USP9X: variants seen among roughly 807,000 people sequenced by gnomAD.
USP9X encodes ubiquitin specific peptidase 9 X-linked.
Under a neutral mutation model 190.3 loss-of-function variants are expected in USP9X, and 7 were observed. That is an observed-to-expected ratio of 0.04 (90% CI 0.02 to 0.07). The LOEUF is 0.07. Ranked by LOEUF, USP9X falls within the 10% of genes least tolerant of loss-of-function variation. USP9X has a pLI of 1.00. For synonymous variants in USP9X, 645 were observed against 659.5 expected, an observed-to-expected ratio of 0.98 and a Z score of 0.34; for missense variants, 1,010 against 1,916.9, an observed-to-expected ratio of 0.53 and a Z score of 8.83.
chrX:41,178,446 T>C (rs1255102862), intron 21 of USP9X, among the ~76,000 whole-genome samples: 1 of 110,790 alleles, frequency 9.0e-6, no homozygotes, highest in Non-Finnish European at 1.9e-5. Flanking sequence ...TGATACCTCA[T>C]TGTGGTTTGG....
rs569095263 is a variant in USP9X at position 41,162,812 on chromosome X, A to C, written c.1920A>C (p.Gln640His). 3.2e-4 allele frequency: 382 copies of C among 1,207,937 alleles called. No individual in the cohort carries two copies. The South Asian group carries it at 6.2e-3, about 20-fold the overall frequency. Reference protein sequence around the residue: ...YARDHEDYDPQTVRLGSRYSH... With the variant: ...YARDHEDYDPHTVRLGSRYSH... ...CAGACCATGAAGATTATGACCCACA[A>C]ACTGTGAGGCTGGGAAGTAGATATA... Residue 640 changes from glutamine (Q) to histidine (H), a missense_variant, in exon 15 of 45, where the codon CAA (glutamine) becomes CAC (histidine). By Grantham distance (24) the Gln-to-His change is conservative. Coordinates refer to ENST00000378308, the MANE Select transcript of USP9X (RefSeq NM_001039591.3).
chrX:41,219,889 G>T (rs967847252), intron 38 of USP9X, among the ~76,000 whole-genome samples: 2 of 111,386 alleles, frequency 1.8e-5, no homozygotes, highest in African/African-American at 6.5e-5. Flanking sequence ...GGAGGCTGAG[G>T]TGGGAGAATC....
At chrX:41,126,219 G>C (rs1442538143) in intron 2 of USP9X, among the ~76,000 whole-genome samples, 1 of 111,608 alleles carries the variant, frequency 9.0e-6, no homozygotes, top group Non-Finnish European at 1.9e-5. Flanking sequence ...AAATGTGTCA[G>C]TTTTATTCCT....
chrX:41,092,638 AAATAT>A (rs1218415021), intron 1 of USP9X, among the ~76,000 whole-genome samples: 2 of 110,517 alleles, frequency 1.8e-5, no homozygotes, highest in African/African-American at 6.5e-5. Context: ...GTGAAATAAA[AAATAT>A]AATTAAATAC....
chrX:41,104,917 A>G (rs2062058934), intron 1 of USP9X, among the ~76,000 whole-genome samples: 1 of 112,029 alleles, frequency 8.9e-6, no homozygotes, highest in African/African-American at 3.2e-5. Flanking sequence ...AACAATGTGT[A>G]TAGGGAAAAA....
intron 39 of USP9X, 70 bp from the exon 40 acceptor site, chrX:41,224,672 C>A: frequency 1.1e-6 from 1 of 921,120 alleles, no homozygotes; most frequent in Non-Finnish European, 1.5e-6. Flanking sequence ...TATTTTCTAT[C>A]GTGAAAGTTG....
At chrX:41,136,503 C>T (rs2062374527) in intron 5 of USP9X, among the ~76,000 whole-genome samples, 1 of 112,436 alleles carries the variant, frequency 8.9e-6, no homozygotes, top group Non-Finnish European at 1.9e-5. Context: ...CTCTCGTGTA[C>T]AAATTCCACA....
At chrX:41,214,008 A>G (rs1255533423) in intron 33 of USP9X, among the ~76,000 whole-genome samples, 1 of 112,324 alleles carries the variant, frequency 8.9e-6, no homozygotes, top group Non-Finnish European at 1.9e-5. Flanking sequence ...CAGAAATTGG[A>G]AAGTCTCTTT....
chrX:41,148,357 A>C lies in USP9X; in HGVS notation c.1420-12A>C. 8.3e-7 allele frequency: 1 copy of C among 1,209,811 alleles called. No homozygotes were observed. The highest frequency in any genetic ancestry group is 1.1e-6 in the Non-Finnish European group (1 of 894,343). Reference sequence around the variant, plus strand: ...ATATGTGTTGTTTTCATGTCACTTAATTTTTTTCTAGGCCAGTTGGACAAA... The same window carrying C: ...ATATGTGTTGTTTTCATGTCACTTACTTTTTTTCTAGGCCAGTTGGACAAA... On this transcript the variant is annotated splice_polypyrimidine_tract_variant and intron_variant, in intron 11 of 44. Coordinates refer to ENST00000378308, the MANE Select transcript of USP9X (RefSeq NM_001039591.3).
At chrX:41,104,557 G>C (rs2062055811) in intron 1 of USP9X, among the ~76,000 whole-genome samples, 1 of 111,757 alleles carries the variant, frequency 8.9e-6, no homozygotes. Context: ...ATAATTTATA[G>C]TTGGGAGAAT....
intron 44 of USP9X, 51 bp from the exon 45 acceptor site, chrX:41,232,333 AGTT>A: frequency 8.6e-7 from 1 of 1,156,471 alleles, no homozygotes; most frequent in Non-Finnish European, 1.2e-6. Context: ...ATGATTTTGA[AGTT>A]GTTTTACTAT....
chrX:41,226,429 ATAGT>A (rs1487938297), intron 41 of USP9X, among the ~76,000 whole-genome samples: 1 of 112,109 alleles, frequency 8.9e-6, no homozygotes, highest in African/African-American at 3.2e-5. Context: ...AGATAGTATA[ATAGT>A]TTGTTTGGGA....
At chrX:41,161,479 A>T (rs1252808247) in intron 14 of USP9X, among the ~76,000 whole-genome samples, 1 of 104,246 alleles carries the variant, frequency 9.6e-6, no homozygotes, top group Non-Finnish European at 2.0e-5. Context: ...AGCTGGGATT[A>T]CAGGCGCCTG....
At chrX:41,226,949 A>G (rs1404775941) in intron 41 of USP9X, among the ~76,000 whole-genome samples, 1 of 111,694 alleles carries the variant, frequency 9.0e-6, no homozygotes, top group Non-Finnish European at 1.9e-5. Flanking sequence ...TCTTGCCTCT[A>G]TTTTTTTAAA....
intron 3 of USP9X, 112 bp downstream of exon 3, chrX:41,129,257 C>T (rs768627610): frequency 7.1e-5 from 53 of 751,460 alleles, no homozygotes; most frequent in Non-Finnish European, 9.7e-5. Flanking sequence ...ACCCATGATT[C>T]TTAATAGATT....
chrX:41,098,823 G>A (rs1386584847), intron 1 of USP9X, among the ~76,000 whole-genome samples: 1 of 111,183 alleles, frequency 9.0e-6, no homozygotes, highest in African/African-American at 3.3e-5. Context: ...GGGATTACAG[G>A]TGTGAGCCAC....
At chrX:41,199,199 G>A (rs2063017452) in intron 30 of USP9X, among the ~76,000 whole-genome samples, 1 of 109,746 alleles carries the variant, frequency 9.1e-6, no homozygotes, top group Non-Finnish European at 1.9e-5. Flanking sequence ...AAAAAGAAAA[G>A]AAAAGAAAAG....
chrX:41,190,742 C>G (rs1194346557), intron 26 of USP9X, among the ~76,000 whole-genome samples: 1 of 111,169 alleles, frequency 9.0e-6, no homozygotes, highest in African/African-American at 3.3e-5. Flanking sequence ...TGCCCTCTAC[C>G]CTTTATGAAA....
chrX:41,086,427 C>T (rs1232951122), intron 1 of USP9X, among the ~76,000 whole-genome samples: 2 of 110,637 alleles, frequency 1.8e-5, no homozygotes, highest in Non-Finnish European at 3.8e-5. Flanking sequence ...ATGGAGTCTC[C>T]GGGCGTGGCG....
Sources: allele counts gnomAD v4.1 joint callset (sites outside exome capture counted in the v4.1 genomes callset), GRCh38; gene constraint gnomAD v4.1.1; transcripts MANE v1.5; gene names NCBI Gene and HGNC (gene_info 2026-07-23, HGNC 2026-07-21).